UNC5D: variants seen among roughly 807,000 people sequenced by gnomAD.
UNC5D encodes the protein netrin receptor UNC5D.
UNC5D carries 39 observed loss-of-function variants against 105.4 expected under a neutral mutation model. The ratio of observed to expected loss-of-function variants is 0.37; its 90% CI spans 0.29 to 0.48. The LOEUF (loss-of-function observed/expected upper bound fraction) is 0.48. Among genes scored for constraint, UNC5D ranks in the 20% least tolerant of loss-of-function variants. The pLI is 0.98. For synonymous variants in UNC5D, 452 were observed against 450.4 expected, an observed-to-expected ratio of 1.00 and a Z score of -0.04; for missense variants, 991 against 1,202.4, an observed-to-expected ratio of 0.82 and a Z score of 2.60.
chr8:35,429,763 G>T (rs967206475), intron 1 of UNC5D, among the ~76,000 whole-genome samples: 3 of 151,978 alleles, frequency 2.0e-5, no homozygotes, highest in African/African-American at 7.3e-5. Context: ...AGTTTCTTAG[G>T]ATCCTTTGTG....
intron 6 of UNC5D, among the ~76,000 whole-genome samples, chr8:35,684,983 A>G (rs546292837): frequency 1.7e-3 from 258 of 152,348 alleles, no homozygotes; most frequent in Non-Finnish European, 2.6e-3. Context: ...CTGAACATTC[A>G]TCGTCAATAA....
intron 4 of UNC5D, among the ~76,000 whole-genome samples, chr8:35,671,054 A>C (rs1824762550): frequency 6.6e-6 from 1 of 152,050 alleles, no homozygotes. Flanking sequence ...ATAAAATGTG[A>C]GTCTCCCTTC....
chr8:35,619,281 T>G (rs1357398030), intron 4 of UNC5D, among the ~76,000 whole-genome samples: 1 of 152,196 alleles, frequency 6.6e-6, no homozygotes, highest in Non-Finnish European at 1.5e-5. Context: ...GAAGTATGAA[T>G]GAGCTCATTG....
chr8:35,250,920 TTTGG>T (rs1244119526), intron 1 of UNC5D, among the ~76,000 whole-genome samples: 1 of 152,162 alleles, frequency 6.6e-6, no homozygotes, highest in Non-Finnish European at 1.5e-5. Flanking sequence ...ACATGCAGTA[TTTGG>T]TTTTCTGTTT....
At chr8:35,772,360 T>G (rs2131732388) in intron 15 of UNC5D, among the ~76,000 whole-genome samples, 1 of 152,344 alleles carries the variant, frequency 6.6e-6, no homozygotes, top group South Asian at 2.1e-4. Context: ...ATGAAATTTC[T>G]GTATCAATCA....
chr8:35,402,239 G>A (rs2128950608), intron 1 of UNC5D, among the ~76,000 whole-genome samples: 1 of 152,146 alleles, frequency 6.6e-6, no homozygotes, highest in East Asian at 1.9e-4. Flanking sequence ...CCCAAGACTG[G>A]GTAATTTACA....
At chr8:35,412,494 T>C (rs1162672739) in intron 1 of UNC5D, among the ~76,000 whole-genome samples, 1 of 151,318 alleles carries the variant, frequency 6.6e-6, no homozygotes, top group Non-Finnish European at 1.5e-5. Flanking sequence ...TGAACCACAA[T>C]CAGAAAGATC....
chr8:35,406,624 G>A (rs1220288513), intron 1 of UNC5D, among the ~76,000 whole-genome samples: 1 of 152,122 alleles, frequency 6.6e-6, no homozygotes, highest in African/African-American at 2.4e-5. Flanking sequence ...ACTGAGTGAA[G>A]TGTGGGAAGG....
At chr8:35,450,924 T>C (rs973496729) in intron 1 of UNC5D, among the ~76,000 whole-genome samples, 1 of 152,182 alleles carries the variant, frequency 6.6e-6, no homozygotes, top group Non-Finnish European at 1.5e-5. Context: ...GTAGACTAGG[T>C]TAAGTTATGA....
chr8:35,560,246 C>T (rs1185796498), intron 2 of UNC5D, among the ~76,000 whole-genome samples: 1 of 152,178 alleles, frequency 6.6e-6, no homozygotes, highest in Non-Finnish European at 1.5e-5. Context: ...TTCTGCTCCC[C>T]TGTAGCATTT....
At chr8:35,634,817 A>C (rs1033267709) in intron 4 of UNC5D, among the ~76,000 whole-genome samples, 52 of 143,712 alleles carry the variant, frequency 3.6e-4, no homozygotes, top group African/African-American at 1.3e-3. Flanking sequence ...CCTGGGCTGG[A>C]GTGCAATGGC....
chr8:35,657,002 A>G (rs1823775510), intron 4 of UNC5D, among the ~76,000 whole-genome samples: 1 of 146,812 alleles, frequency 6.8e-6, no homozygotes, highest in African/African-American at 2.5e-5. Context: ...GTTTGTTTTT[A>G]TAGATGTGAT....
At chr8:35,684,090 C>T (rs1425939914) in intron 5 of UNC5D, among the ~76,000 whole-genome samples, 3 of 152,186 alleles carry the variant, frequency 2.0e-5, no homozygotes, top group Non-Finnish European at 4.4e-5. Flanking sequence ...TTTTCCTAGA[C>T]CTGCTGTCAG....
In UNC5D at chr8:35,338,200, G is replaced by T. The variant is rs549450764; in HGVS notation, c.103+102313G>T. On this transcript the variant is annotated intron_variant, in intron 1 of 16. Transcript: ENST00000404895. ...AGTGACCATTTAGGATGTAGAAATT[G>T]CACCAGAAATTCTTACAGCATAAGC... 3.3e-5 allele frequency among the ~76,000 whole-genome samples: 5 copies of T among 152,172 alleles called. No individual in the cohort carries two copies. The South Asian group carries it at 1.0e-3, about 32-fold the overall frequency.
chr8:35,279,098 G>A (rs555445635), intron 1 of UNC5D, among the ~76,000 whole-genome samples: 63 of 152,058 alleles, frequency 4.1e-4, no homozygotes, highest in Non-Finnish European at 7.6e-4. Context: ...AGGCTCTGTC[G>A]AACTCCAGCA....
intron 1 of UNC5D, among the ~76,000 whole-genome samples, chr8:35,258,414 G>A (rs1253505080): frequency 2.0e-5 from 3 of 152,140 alleles, no homozygotes; most frequent in African/African-American, 7.2e-5. Context: ...GAGAATAGTG[G>A]CAGAGCACAC....
intron 1 of UNC5D, among the ~76,000 whole-genome samples, chr8:35,463,089 C>T (rs1039031058): frequency 2.0e-5 from 3 of 152,268 alleles, no homozygotes; most frequent in South Asian, 2.1e-4. Context: ...AGGACTATAA[C>T]GTGCATAGTT....
chr8:35,310,535 GCTTGAA>G (rs1318352781), intron 1 of UNC5D, among the ~76,000 whole-genome samples: 1 of 152,096 alleles, frequency 6.6e-6, no homozygotes, highest in East Asian at 1.9e-4. Context: ...CAGGAGAATT[GCTTGAA>G]CCCAGGAGGC....
At chr8:35,494,009 C>T (rs1811381077) in intron 1 of UNC5D, among the ~76,000 whole-genome samples, 1 of 152,078 alleles carries the variant, frequency 6.6e-6, no homozygotes, top group South Asian at 2.1e-4. Flanking sequence ...AAGCAACTTT[C>T]CACCAGTAGA....
Sources: gnomAD v4.1 joint callset for allele counts (sites outside exome capture counted in the v4.1 genomes callset) on GRCh38, gnomAD v4.1.1 for gene constraint, MANE v1.5 for transcripts, NCBI Gene and HGNC (gene_info 2026-07-23, HGNC 2026-07-21) for gene names.